The following ZNF273 variants were observed in gnomAD, a reference collection of about 807,000 sequenced individuals.
ZNF273 encodes the protein zinc finger protein 9.
In ZNF273, 11 loss-of-function variants were observed where a neutral mutation model predicts 14.9. That is an observed-to-expected ratio of 0.74 (90% CI 0.46 to 1.22). The LOEUF (loss-of-function observed/expected upper bound fraction) is 1.22. Among genes scored for constraint, ZNF273 ranks in the 50% most tolerant of loss-of-function variants. The probability of loss-of-function intolerance (pLI) is 0.00; values close to 1 mark genes in which losing one functional copy is unlikely to be tolerated. For missense variants in ZNF273, 577 were observed against 660.6 expected, an observed-to-expected ratio of 0.87 and a Z score of 1.39; for synonymous variants, 199 against 223.9, an observed-to-expected ratio of 0.89 and a Z score of 0.99.
intron 1 of ZNF273, among the ~76,000 whole-genome samples, chr7:64,909,006 C>T (rs138756282): frequency 1.1e-3 from 169 of 152,256 alleles, no homozygotes; most frequent in African/African-American, 4.0e-3. Context: ...ACATCCTGGG[C>T]TTAAGCAATC....
chr7:64,908,655 C>T (rs1032534778), intron 1 of ZNF273, among the ~76,000 whole-genome samples: 2 of 152,126 alleles, frequency 1.3e-5, no homozygotes, highest in African/African-American at 4.8e-5. Flanking sequence ...AGGGTTTCAC[C>T]ATGTTAACCA....
chr7:64,919,397 T>C (rs1584001460), intron 3 of ZNF273, among the ~76,000 whole-genome samples: 1 of 152,082 alleles, frequency 6.6e-6, no homozygotes, highest in Non-Finnish European at 1.5e-5. Flanking sequence ...AATCTCAGCA[T>C]GTTGGGAGGC....
rs1794965066 is a variant in ZNF273 at position 64,930,433 on chromosome 7, TTA to T, written c.*1399_*1400del. On this transcript the variant is annotated 3_prime_UTR_variant, in exon 4 of 4. Coordinates refer to ENST00000476120, the MANE Select transcript of ZNF273 (RefSeq NM_021148.3). Reference sequence around the variant, plus strand: ...AAAAATTTTTAATATTAAAATTCAATTATATCATTTTATGAATTGTGCTTTTC... The same window carrying T: ...AAAAATTTTTAATATTAAAATTCAATTATCATTTTATGAATTGTGCTTTTC... The T allele has an allele frequency of 1.3e-5, 2 of 152,184 alleles. No homozygotes were observed. Among genetic ancestry groups the T allele is most frequent in the South Asian group, 2.1e-4 (1 of 4,832 alleles). The allele number at this position is 152,184 out of a possible 1,614,324, so 9.4% of individuals were successfully genotyped here. A position where few individuals can be genotyped will look rare whatever the true frequency, so the allele number is the denominator to read the frequency against.
At chr7:64,895,519 A>G (rs1792317292) in intron 3 of ZNF273, among the ~76,000 whole-genome samples, 1 of 152,124 alleles carries the variant, frequency 6.6e-6, no homozygotes, top group Non-Finnish European at 1.5e-5. Context: ...TTTGAATGAA[A>G]TTTTTATTAC....
upstream of ZNF273, among the ~76,000 whole-genome samples, chr7:64,900,754 A>G (rs1792658994): frequency 6.6e-6 from 1 of 152,186 alleles, no homozygotes; most frequent in Admixed American, 6.5e-5. Flanking sequence ...GGCACACCTA[A>G]TCCAATCAAT....
At position 64,930,402 on chromosome 7, in the gene ZNF273, A is replaced by G. The variant is rs966830602; in HGVS notation, c.*1364A>G. 1.3e-5 allele frequency: 2 copies of G among 152,192 alleles called. No homozygotes were observed. The highest frequency in any genetic ancestry group is 2.9e-5 in the Non-Finnish European group (2 of 68,032). 9.4% of individuals were successfully genotyped at this position (152,192 alleles called of 1,614,324 possible). A position where few individuals can be genotyped will look rare whatever the true frequency, so the allele number is the denominator to read the frequency against. ...GGTGTTCAGAGTAATATTCTGCATT[A>G]TAGTGAAAAATTTTTAATATTAAAA... On this transcript the variant is annotated 3_prime_UTR_variant, in exon 4 of 4. Coordinates refer to ENST00000476120, the MANE Select transcript of ZNF273 (RefSeq NM_021148.3).
rs899517227 is a variant in ZNF273 at position 64,922,368 on chromosome 7, A to G, written c.325+4076A>G. Among the ~76,000 whole-genome samples the G allele has an allele frequency of 4.0e-5, 6 of 151,114 alleles. No individual in the cohort carries two copies. In the South Asian group the frequency reaches 6.3e-4, roughly 16 times the overall value. On this transcript the variant is annotated intron_variant, in intron 3 of 3. Coordinates refer to ENST00000476120, the MANE Select transcript of ZNF273 (RefSeq NM_021148.3). The stretch of plus-strand genomic sequence containing the variant: ...CCCGGAGACAGAGTCTCCCTCTGTC[A>G]CCCAGACTGGAGTGCAGTGGCATGA...
chr7:64,912,531 A>G (rs1793595015), intron 1 of ZNF273, among the ~76,000 whole-genome samples: 1 of 151,996 alleles, frequency 6.6e-6, no homozygotes, highest in Non-Finnish European at 1.5e-5. Context: ...AAGTGCACAC[A>G]GTGTGCCCAA....
intron 1 of ZNF273, among the ~76,000 whole-genome samples, chr7:64,886,843 A>G (rs978293995): frequency 3.3e-5 from 5 of 152,232 alleles, no homozygotes; most frequent in African/African-American, 1.2e-4. Flanking sequence ...ACAAGAAGGA[A>G]ACCACAGAAG....
chr7:64,933,767 A>C (rs1795037131), downstream of ZNF273, among the ~76,000 whole-genome samples: 1 of 152,232 alleles, frequency 6.6e-6, no homozygotes, highest in African/African-American at 2.4e-5. Context: ...TTGATGTGAC[A>C]TAAAATGCAT....
chr7:64,931,328 C>G (rs1794987595), downstream of ZNF273, among the ~76,000 whole-genome samples: 1 of 152,146 alleles, frequency 6.6e-6, no homozygotes, highest in Non-Finnish European at 1.5e-5. Context: ...TTCAGAATCT[C>G]CCCATGCAGA....
chr7:64,911,046 G>A (rs1178731788), intron 1 of ZNF273, among the ~76,000 whole-genome samples: 1 of 151,968 alleles, frequency 6.6e-6, no homozygotes, highest in African/African-American at 2.4e-5. Flanking sequence ...GATTACAGGC[G>A]TGAGTGAGCC....
chr7:64,925,959 AT>A (rs1446598054), intron 3 of ZNF273, among the ~76,000 whole-genome samples: 1 of 152,116 alleles, frequency 6.6e-6, no homozygotes, highest in African/African-American at 2.4e-5. Flanking sequence ...AAAGTTATGT[AT>A]TTTCATATGA....
rs1792339175 is a variant in ZNF273 at position 64,895,955 on chromosome 7, G to C, written n.489-1393G>C. 2.0e-5 allele frequency among the ~76,000 whole-genome samples: 3 copies of C among 151,606 alleles called. No homozygotes were observed. The South Asian group carries it at 6.2e-4, about 31-fold the overall frequency. On this transcript the variant is annotated intron_variant and non_coding_transcript_variant, in intron 3 of 7. Transcript: ENST00000527278. ...CTAGAATGTCACTGTCAATATTTAA[G>C]AATTTGAACTTTCAGTATGAAAAAT... is the stretch of plus-strand genomic sequence containing the variant.
chr7:64,883,082 G>T (rs1791336793), downstream of ZNF273, among the ~76,000 whole-genome samples: 1 of 152,052 alleles, frequency 6.6e-6, no homozygotes, highest in Admixed American at 6.5e-5. Context: ...TTTCCGAGTG[G>T]CCCGACCTTC....
At chr7:64,921,401 A>G (rs1324883453) in intron 3 of ZNF273, among the ~76,000 whole-genome samples, 1 of 151,950 alleles carries the variant, frequency 6.6e-6, no homozygotes, top group Admixed American at 6.6e-5. Flanking sequence ...TGAATTTTCT[A>G]TTTTTGAAAA....
At chr7:64,884,036 T>C (rs1791435809), downstream of ZNF273, among the ~76,000 whole-genome samples, 1 of 152,256 alleles carries the variant, frequency 6.6e-6, no homozygotes, top group Non-Finnish European at 1.5e-5. Context: ...TGATGGGACC[T>C]AGGCTGCCAA....
downstream of ZNF273, among the ~76,000 whole-genome samples, chr7:64,894,097 C>T (rs1191524316): frequency 2.0e-5 from 3 of 152,112 alleles, no homozygotes; most frequent in African/African-American, 4.8e-5. Context: ...CTCCGTCTCC[C>T]GGGTTCAATT....
At chr7:64,916,047 T>C (rs1295230657) in intron 1 of ZNF273, among the ~76,000 whole-genome samples, 1 of 149,970 alleles carries the variant, frequency 6.7e-6, no homozygotes, top group Non-Finnish European at 1.5e-5. Context: ...AATACAAAAA[T>C]TAGCTGGGTG....
Sources: allele counts gnomAD v4.1 joint callset (sites outside exome capture counted in the v4.1 genomes callset), GRCh38; gene constraint gnomAD v4.1.1; transcripts MANE v1.5; gene names NCBI Gene and HGNC (gene_info 2026-07-23, HGNC 2026-07-21).